Variants in SLC16A5 observed in about 807,000 individuals in gnomAD.
SLC16A5 encodes the protein monocarboxylate transporter 6.
Under a neutral mutation model 33.2 loss-of-function variants are expected in SLC16A5, and 29 were observed. The observed-to-expected ratio is 0.87, with a 90% CI of 0.65 to 1.19. The LOEUF (loss-of-function observed/expected upper bound fraction) is 1.19. Ranked by LOEUF, SLC16A5 falls within the 50% of genes most tolerant of loss-of-function variation. The probability of loss-of-function intolerance (pLI) is 0.00; values close to 1 mark genes in which losing one functional copy is unlikely to be tolerated. For synonymous variants in SLC16A5, 248 were observed against 284.1 expected (o/e 0.87, Z 1.28); for missense variants, 606 against 678.2 (o/e 0.89, Z 1.18).
At chr17:75,103,447 A>G (rs2073824955) in intron 5 of SLC16A5, among the ~76,000 whole-genome samples, 1 of 150,556 alleles carries the variant, frequency 6.6e-6, no homozygotes, top group South Asian at 2.1e-4. Flanking sequence ...CTCCTACCTC[A>G]GCCTCTCAAG....
downstream of SLC16A5, chr17:75,106,170 G>T: frequency 1.9e-6 from 1 of 512,914 alleles, no homozygotes; most frequent in Non-Finnish European, 3.5e-6. Flanking sequence ...AAACGTAGGA[G>T]GTTGGTTTGG....
At chr17:75,091,499 T>G (rs1200551344) in intron 2 of SLC16A5, among the ~76,000 whole-genome samples, 1 of 152,074 alleles carries the variant, frequency 6.6e-6, no homozygotes, top group Non-Finnish European at 1.5e-5. Context: ...ACCCTGAGGC[T>G]GCGATGAATG....
intron 4 of SLC16A5, 82 bp from the exon 5 acceptor site, chr17:75,099,925 G>A (rs551600709): frequency 7.6e-7 from 1 of 1,319,514 alleles, no homozygotes; most frequent in East Asian, 2.4e-5. Flanking sequence ...GCAGGTGTGT[G>A]AAATGACCAC....
downstream of SLC16A5, among the ~76,000 whole-genome samples, chr17:75,108,382 G>A (rs892567508): frequency 3.3e-5 from 5 of 152,180 alleles, no homozygotes; most frequent in Non-Finnish European, 5.9e-5. Flanking sequence ...TGAGGGTCCT[G>A]GGGCCTAGGT....
intron 2 of SLC16A5, among the ~76,000 whole-genome samples, chr17:75,092,467 CT>C (rs2073652724): frequency 6.6e-6 from 1 of 151,878 alleles, no homozygotes; most frequent in Admixed American, 6.6e-5. Context: ...AGCGATTCTC[CT>C]GCCTCAGCCT....
At chr17:75,104,596 C>A in intron 6 of SLC16A5, 2 of 551,924 alleles carry the variant, frequency 3.6e-6, no homozygotes, top group Non-Finnish European at 4.6e-6. Flanking sequence ...AGATTACAGG[C>A]ATGCGCCACC....
At chr17:75,105,544 C>A (rs886098762) in intron 6 of SLC16A5, 127 of 985,264 alleles carry the variant, frequency 1.3e-4, no homozygotes, top group Non-Finnish European at 1.4e-4. Context: ...CTGTGACTGG[C>A]GGTCCAAGCT....
At position 75,100,783 on chromosome 17, in the gene SLC16A5, G is replaced by T. The variant is rs752434015; in HGVS notation, c.1120G>T (p.Gly374Cys). Residue 374 changes from glycine (G) to cysteine (C), a missense_variant, in exon 5 of 7, where the codon GGC (glycine) becomes TGC (cysteine). Gly to Cys is a radical substitution (Grantham distance 159). Coordinates refer to ENST00000329783, the MANE Select transcript of SLC16A5 (RefSeq NM_004695.4). ...RALGLFTVLDGLAFLISPPLA... is the reference protein window; with the variant it reads ...RALGLFTVLDCLAFLISPPLA... ...CCTGGGACTCTTCACTGTCCTGGAC[G>T]GCCTTGCTTTCCTCATCTCCCCACC... The T allele has an allele frequency of 1.2e-6, 2 of 1,607,258 alleles. No individual in the cohort carries two copies. The highest frequency in any genetic ancestry group is 1.7e-6 in the Non-Finnish European group (2 of 1,175,400).
rs2073773634 is a variant in SLC16A5, at chr17:75,100,210, T to C, written c.547T>C (p.Cys183Arg). 2.5e-6 allele frequency: 4 copies of C among 1,614,236 alleles called. No homozygotes were observed. In the Admixed American group the frequency reaches 5.0e-5, roughly 20 times the overall value. Residue 183 changes from cysteine to arginine, a missense_variant, in exon 5 of 7, where the codon TGC (cysteine) becomes CGC (arginine). Physicochemically the swap from Cys to Arg is radical, Grantham distance 180. Transcript: ENST00000329783. Reference protein sequence around the residue: ...LVFGGIFLHCCICGAIIRPVA... With the variant: ...LVFGGIFLHCRICGAIIRPVA... ...CTTCGGCGGGATCTTTCTCCACTGC[T>C]GCATCTGCGGGGCCATCATAAGGCC...
intron 3 of SLC16A5, among the ~76,000 whole-genome samples, chr17:75,097,183 G>T (rs1054568320): frequency 6.6e-6 from 1 of 151,900 alleles, no homozygotes; most frequent in Non-Finnish European, 1.5e-5. Context: ...CTCCACCGCA[G>T]ACACACACAA....
chr17:75,099,983 C>A, intron 4 of SLC16A5, 24 bp from the exon 5 acceptor site: 1 of 1,592,628 alleles, frequency 6.3e-7, no homozygotes, highest in South Asian at 1.1e-5. Flanking sequence ...CGCCTCCAGG[C>A]TGGTTTCCCC....
intron 3 of SLC16A5, among the ~76,000 whole-genome samples, chr17:75,094,679 T>C (rs1156388382): frequency 3.4e-5 from 3 of 87,284 alleles, no homozygotes; most frequent in Middle Eastern, 5.0e-3. Flanking sequence ...AGAGTGAAAC[T>C]GTCTCAAAAA....
Position 75,103,957 on chromosome 17 carries a change from C to T in SLC16A5, c.1154-13C>T. The T allele has an allele frequency of 6.2e-7, 1 of 1,612,552 alleles. No homozygotes were observed. The highest frequency in any genetic ancestry group is 8.5e-7 in the Non-Finnish European group (1 of 1,178,684). Reference sequence around the variant, plus strand: ...CCTGGTAGCACTGGCCTAACTTGATCTCTGTTCCCCAGGGTTGCTCCTGGA... The same window carrying T: ...CCTGGTAGCACTGGCCTAACTTGATTTCTGTTCCCCAGGGTTGCTCCTGGA... On this transcript the variant is annotated splice_polypyrimidine_tract_variant and intron_variant, in intron 5 of 6. Transcript: ENST00000329783.
At chr17:75,089,755 GAAAAAAAAAA>G (rs58540678) in intron 2 of SLC16A5, 1 of 88,874 alleles carries the variant, frequency 1.1e-5, no homozygotes, top group South Asian at 3.8e-4. Context: ...CTTCATCTCA[GAAAAAAAAAA>G]AAAAAAAAAA....
chr17:75,105,922 G>A lies in SLC16A5; in HGVS notation c.1407G>A (p.Lys469=). ...SRQPRPAGVN[K]HLWGCPASSR... ...AGCCACGTCCAGCTGGCGTCAATAAGCATCTTTGGGGATGTCCTGCCTCCT... is the reference window on the plus strand; with the variant it reads ...AGCCACGTCCAGCTGGCGTCAATAAACATCTTTGGGGATGTCCTGCCTCCT... Residue 469 remains lysine, a synonymous_variant, in exon 7 of 7, where the codon AAG becomes AAA. Coordinates refer to ENST00000329783, the MANE Select transcript of SLC16A5 (RefSeq NM_004695.4). 1 of 1,610,698 alleles carries A rather than the reference G, an allele frequency of 6.2e-7. No individual in the cohort carries two copies. Among genetic ancestry groups the A allele is most frequent in the Non-Finnish European group, 8.5e-7 (1 of 1,177,502 alleles).
At chr17:75,088,405 G>A (rs2073596188) in intron 1 of SLC16A5, among the ~76,000 whole-genome samples, 1 of 152,220 alleles carries the variant, frequency 6.6e-6, no homozygotes, top group African/African-American at 2.4e-5. Context: ...AGTACGGCAT[G>A]AGGTCCCAGT....
At chr17:75,089,662 G>A (rs2073611708) in intron 2 of SLC16A5, among the ~76,000 whole-genome samples, 1 of 151,432 alleles carries the variant, frequency 6.6e-6, no homozygotes, top group Admixed American at 6.6e-5. Flanking sequence ...GCTGAGGCAG[G>A]AGAATTGCTT....
intron 2 of SLC16A5, among the ~76,000 whole-genome samples, chr17:75,092,026 G>GTGTGTGTGT (rs1555644925): frequency 0.066 from 4,101 of 61,708 alleles, 72 homozygotes; most frequent in Non-Finnish European, 0.079. Context: ...AGATGTGAGG[G>GTGTGTGTGT]GGGTGTGTGT....
At chr17:75,105,804 G>A in intron 6 of SLC16A5, 76 bp from the exon 7 acceptor site, 3 of 1,470,362 alleles carry the variant, frequency 2.0e-6, no homozygotes, top group Non-Finnish European at 2.7e-6. Context: ...CTCAGGTTCA[G>A]GATGTTGTTT....
Sources: gnomAD v4.1 joint callset for allele counts (sites outside exome capture counted in the v4.1 genomes callset) on GRCh38, gnomAD v4.1.1 for gene constraint, MANE v1.5 for transcripts, NCBI Gene and HGNC (gene_info 2026-07-23, HGNC 2026-07-21) for gene names.